NLRC5: variants seen among roughly 807,000 people sequenced by gnomAD.
NLRC5 encodes NLR family CARD domain containing 5.
In NLRC5, 114 loss-of-function variants were observed where a neutral mutation model predicts 206.9. That is an observed-to-expected ratio of 0.55 (90% CI 0.47 to 0.64). NLRC5 has a LOEUF of 0.64. NLRC5 is among the 30% of genes least tolerant of loss of function. The pLI is 0.00. For missense variants in NLRC5, 2,008 were observed against 2,305.5 expected, an observed-to-expected ratio of 0.87 and a Z score of 2.64; for synonymous variants, 952 against 962.8, an observed-to-expected ratio of 0.99 and a Z score of 0.21.
In NLRC5 at chr16:57,076,858, C is replaced by T. The variant is rs777994215; in HGVS notation, c.4791C>T (p.His1597=). The change falls in exon 40 of 49, where the codon CAC becomes CAT. Residue 1597 remains histidine, a synonymous_variant. Coordinates refer to ENST00000688547, the MANE Select transcript of NLRC5 (RefSeq NM_001384950.1). The stretch of plus-strand genomic sequence containing the variant: ...GTATCGGTGATGTCGGTTGCTGCCA[C>T]CTTTCTGAGGCTCTCAGGGCTGCCA... The part of the protein sequence containing the change: ...RNSIGDVGCC[H]LSEALRAATS... 1.2e-6 allele frequency: 2 copies of T among 1,614,088 alleles called. No individual in the cohort carries two copies. The highest frequency in any genetic ancestry group is 1.3e-5 in the African/African-American group (1 of 75,058).
Position 57,023,974 on chromosome 16 carries a change from G to C in NLRC5, c.424+121G>C, listed in dbSNP as rs773329331. On this transcript the variant is annotated intron_variant, in intron 5 of 48. Coordinates refer to ENST00000688547, the MANE Select transcript of NLRC5 (RefSeq NM_001384950.1). The stretch of plus-strand genomic sequence containing the variant: ...CCAGAGGCCCAGTGACTCTTGTCTC[G>C]CAAGTTTCCAGGAGAAAAGGACTGG... 9 of 913,180 alleles carry C rather than the reference G, an allele frequency of 9.9e-6. No homozygotes were observed. The South Asian group carries it at 1.4e-4, about 14-fold the overall frequency. 56.6% of individuals were successfully genotyped at this position (913,180 alleles called of 1,614,324 possible).
At position 57,025,541 on chromosome 16, in the gene NLRC5, A is replaced by G. The variant is rs376448818; in HGVS notation, c.598A>G (p.Lys200Glu). The G allele has an allele frequency of 3.1e-6, 5 of 1,613,648 alleles. No homozygotes were observed. The African/African-American group carries it at 6.7e-5, about 22-fold the overall frequency. The change falls in exon 6 of 49, where the codon AAG (lysine) becomes GAG (glutamate). Residue 200 changes from lysine to glutamate, a missense_variant. By Grantham distance (56) the Lys-to-Glu change is moderately conservative. Coordinates refer to ENST00000688547, the MANE Select transcript of NLRC5 (RefSeq NM_001384950.1). ...GGAGGGGGCCATTATGGGGGACGTC[A>G]AGGTGGAAGATGGTGCTGACGTGAG... is the stretch of plus-strand genomic sequence containing the variant. ...TPEGAIMGDV[K>E]VEDGADVSIS...
chr16:57,012,376 G>A (rs181627178), intron 1 of NLRC5, among the ~76,000 whole-genome samples: 3 of 152,308 alleles, frequency 2.0e-5, no homozygotes, highest in South Asian at 2.1e-4. Context: ...AGACCTAGGC[G>A]TGGAATTGCT....
intron 23 of NLRC5, among the ~76,000 whole-genome samples, chr16:57,050,638 C>T (rs1319410368): frequency 6.6e-6 from 1 of 152,126 alleles, no homozygotes; most frequent in Admixed American, 6.5e-5. Flanking sequence ...TTGTCCTGGT[C>T]CTCCATCTAG....
At chr16:57,060,381 A>C (rs2066293147) in intron 30 of NLRC5, among the ~76,000 whole-genome samples, 1 of 151,214 alleles carries the variant, frequency 6.6e-6, no homozygotes, top group African/African-American at 2.4e-5. Context: ...CACGCCCTAC[A>C]CACCAACCCA....
chr16:57,010,880 G>A (rs1157059013), intron 1 of NLRC5, among the ~76,000 whole-genome samples: 2 of 151,124 alleles, frequency 1.3e-5, no homozygotes, highest in African/African-American at 2.4e-5. Flanking sequence ...AGTTTTTAAT[G>A]TAAATGTTCT....
chr16:57,047,561 C>G lies in NLRC5; in HGVS notation c.3355C>G (p.Leu1119Val). 1 of 1,611,980 alleles carries G rather than the reference C, an allele frequency of 6.2e-7. No homozygotes were observed. The highest frequency in any genetic ancestry group is 8.5e-7 in the Non-Finnish European group (1 of 1,179,196). The change falls in exon 23 of 49, where the codon CTG becomes GTG. Residue 1119 changes from leucine to valine, a missense_variant. Physicochemically the swap from Leu to Val is conservative, Grantham distance 32 (BLOSUM62 1). Coordinates refer to ENST00000688547, the MANE Select transcript of NLRC5 (RefSeq NM_001384950.1). ...PRSLCLSECP[L>V]EPPSLTRLCA... The stretch of plus-strand genomic sequence containing the variant: ...CCTTTGCAGCCTCAGTGAGTGTCCT[C>G]TGGAGCCCCCAAGCCTCACCCGCCT...
intron 24 of NLRC5, 100 bp downstream of exon 24, chr16:57,051,721 C>G (rs1214246927): frequency 2.3e-5 from 20 of 883,190 alleles, no homozygotes; most frequent in South Asian, 8.4e-5. Context: ...CTCAACCCCC[C>G]GCCTTTACCC....
In NLRC5 at chr16:57,078,631, C is replaced by T. The variant is rs372040129; in HGVS notation, c.5082-419C>T. On this transcript the variant is annotated intron_variant, in intron 43 of 48. Transcript: ENST00000688547. ...GGATTACGAGCATGCCCACCATGCC[C>T]AGCTAATTTTTGTATTTTTAGTAGA... Among the ~76,000 whole-genome samples the T allele has an allele frequency of 9.9e-5, 15 of 152,038 alleles. No individual in the cohort carries two copies. The East Asian group carries it at 2.9e-3, about 29-fold the overall frequency.
chr16:57,019,014 T>C (rs2060377530), intron 2 of NLRC5, among the ~76,000 whole-genome samples: 1 of 152,230 alleles, frequency 6.6e-6, no homozygotes, highest in Non-Finnish European at 1.5e-5. Flanking sequence ...ATGGAATTAC[T>C]GAATCAAAGG....
Position 57,037,280 on chromosome 16 carries a change from A to G in NLRC5, c.2797A>G (p.Ile933Val). The change falls in exon 15 of 49, where the codon ATC becomes GTC. Residue 933 changes from isoleucine (I) to valine (V), a missense_variant. Physicochemically the swap from Ile to Val is conservative, Grantham distance 29. Coordinates refer to ENST00000688547, the MANE Select transcript of NLRC5 (RefSeq NM_001384950.1). Reference sequence around the variant, plus strand: ...GTGCTGGACCCTGGCAGAGCTGCACATCAGGTGGGAGCTCCCTCAGACCAC... The same window carrying G: ...GTGCTGGACCCTGGCAGAGCTGCACGTCAGGTGGGAGCTCCCTCAGACCAC... ...SACWTLAELH[I>V]SLQHKTVIFM... 6.2e-7 allele frequency: 1 copy of G among 1,612,124 alleles called. No homozygotes were observed. Among genetic ancestry groups the G allele is most frequent in the Non-Finnish European group, 8.5e-7 (1 of 1,179,420 alleles).
At chr16:57,043,467 T>G in intron 19 of NLRC5, 48 bp from the exon 20 acceptor site, 8 of 1,360,964 alleles carry the variant, frequency 5.9e-6, no homozygotes, top group Non-Finnish European at 8.4e-6. Context: ...AAAGAGGATG[T>G]GTTTGGGTCC....
Position 57,041,649 on chromosome 16 carries a change from T to A in NLRC5, c.3029+75T>A, listed in dbSNP as rs1440694952. ...AGTTAGTGTTGGTGTTTGGGTTTGGTTTTTAAGATTTAGATCAACTGTTCT... is the reference window on the plus strand; with the variant it reads ...AGTTAGTGTTGGTGTTTGGGTTTGGATTTTAAGATTTAGATCAACTGTTCT... On this transcript the variant is annotated intron_variant, in intron 18 of 48. Coordinates refer to ENST00000688547, the MANE Select transcript of NLRC5 (RefSeq NM_001384950.1). The A allele has an allele frequency of 2.4e-6, 3 of 1,249,894 alleles. No homozygotes were observed. The African/African-American group carries it at 4.5e-5, about 19-fold the overall frequency. 77.4% of individuals were successfully genotyped at this position (1,249,894 alleles called of 1,614,324 possible).
intron 28 of NLRC5, chr16:57,058,465 A>T (rs1340062400): frequency 2.5e-6 from 1 of 406,582 alleles, no homozygotes; most frequent in Non-Finnish European, 4.5e-6. Context: ...CTGATGCGGG[A>T]TTGCAGCTGC....
intron 23 of NLRC5, 21 bp downstream of exon 23, chr16:57,047,649 C>T: frequency 6.3e-7 from 1 of 1,599,746 alleles, no homozygotes; most frequent in South Asian, 1.1e-5. Context: ...AGGACACAGC[C>T]CCAGAGGGCA....
Position 57,080,481 on chromosome 16 carries a change from A to ATTTT in NLRC5, c.5322-599_5322-596dup, listed in dbSNP as rs34595999. On this transcript the variant is annotated intron_variant, in intron 46 of 48. Transcript: ENST00000688547. ...GTAGCAATAAAAGTTTCCTTTCAAG[A>ATTTT]TTTTTTTTTTTTTTTTTTTTTGAGA... Among the ~76,000 whole-genome samples, 996 of 111,086 alleles carry ATTTT rather than the reference A, an allele frequency of 9.0e-3. 13 individuals carry two copies. The highest frequency in any genetic ancestry group is 0.012 in the Non-Finnish European group (695 of 57,054). The allele number at this position is 111,086 out of a possible 152,430, so 72.9% of individuals were successfully genotyped here. A position where few individuals can be genotyped will look rare whatever the true frequency, so the allele number is the denominator to read the frequency against.
chr16:57,005,235 A>C (rs1470918762), intron 1 of NLRC5, among the ~76,000 whole-genome samples: 3 of 152,350 alleles, frequency 2.0e-5, no homozygotes, highest in East Asian at 3.9e-4. Context: ...AACTTTATGC[A>C]TTTGAATATC....
At chr16:57,048,992 G>C (rs550507231) in intron 23 of NLRC5, among the ~76,000 whole-genome samples, 1 of 152,178 alleles carries the variant, frequency 6.6e-6, no homozygotes, top group Admixed American at 6.5e-5. Context: ...CACCCTTCTA[G>C]AGTCTAGATC....
At chr16:57,055,582 G>T in intron 27 of NLRC5, 63 bp downstream of exon 27, 1 of 1,335,162 alleles carries the variant, frequency 7.5e-7, no homozygotes, top group East Asian at 2.3e-5. Context: ...GCACTGAAGG[G>T]GGTATGAGGG....
Sources: gnomAD v4.1 joint callset for allele counts (sites outside exome capture counted in the v4.1 genomes callset) on GRCh38, gnomAD v4.1.1 for gene constraint, MANE v1.5 for transcripts, NCBI Gene and HGNC (gene_info 2026-07-23, HGNC 2026-07-21) for gene names.